The following TMC6 variants were observed in gnomAD, a reference collection of about 807,000 sequenced individuals.
TMC6 encodes transmembrane channel like 6.
Under a neutral mutation model 95.4 loss-of-function variants are expected in TMC6, and 71 were observed. The ratio of observed to expected loss-of-function variants is 0.74; its 90% CI spans 0.61 to 0.91. The LOEUF (loss-of-function observed/expected upper bound fraction) is 0.91. Among genes scored for constraint, TMC6 ranks in the 40% least tolerant of loss-of-function variants. The probability of loss-of-function intolerance (pLI) is 0.00; values close to 1 mark genes in which losing one functional copy is unlikely to be tolerated. For synonymous variants in TMC6, 514 were observed against 483.1 expected (o/e 1.06, Z -0.84); for missense variants, 1,074 against 1,079.1 (o/e 1.00, Z 0.07).
chr17:78,119,207 G>A (rs1446015901), intron 14 of TMC6, 90 bp downstream of exon 14: 1 of 1,552,480 alleles, frequency 6.4e-7, no homozygotes, highest in East Asian at 2.2e-5. Context: ...CCTGGCTGTG[G>A]CCCCAGGGGG....
At position 78,117,245 on chromosome 17, in the gene TMC6, G is replaced by C. The variant is rs778912786; in HGVS notation, c.2277+24C>G. On this transcript the variant is annotated intron_variant, in intron 18 of 19. Coordinates refer to ENST00000590602, the MANE Select transcript of TMC6 (RefSeq NM_001127198.5). ...GGTGACCTGAGAGGGTGGGGGCTGAGAGCAGCCCAGGAGGGGCACTCACAT... is the reference window on the plus strand; with the variant it reads ...GGTGACCTGAGAGGGTGGGGGCTGACAGCAGCCCAGGAGGGGCACTCACAT... 2.5e-6 allele frequency: 4 copies of C among 1,611,948 alleles called. 1 individual carries two copies. In the Admixed American group the frequency reaches 6.7e-5, roughly 27 times the overall value.
At position 78,118,473 on chromosome 17, in the gene TMC6, G is replaced by A. The variant is rs374989442; in HGVS notation, c.1887+498C>T. Among the ~76,000 whole-genome samples the A allele has an allele frequency of 6.4e-4, 97 of 152,208 alleles. No individual in the cohort carries two copies. The East Asian group carries it at 0.017, about 26-fold the overall frequency. On this transcript the variant is annotated intron_variant, in intron 15 of 19. Transcript: ENST00000590602. Reference sequence around the variant, plus strand: ...CGGGAGGCTGAGGCAGGAGAATGGCGTGAACCTGGGAGGCGGAGCTTGCAG... The same window carrying A: ...CGGGAGGCTGAGGCAGGAGAATGGCATGAACCTGGGAGGCGGAGCTTGCAG...
chr17:78,123,629 A>G (rs1167599120), intron 9 of TMC6, among the ~76,000 whole-genome samples: 391 of 103,822 alleles, frequency 3.8e-3, no homozygotes, highest in African/African-American at 0.014. Flanking sequence ...GGATGGGTGG[A>G]TGGGTGGGTG....
intron 16 of TMC6, 67 bp from the exon 17 acceptor site, chr17:78,117,711 T>C: frequency 6.4e-7 from 1 of 1,558,152 alleles, no homozygotes; most frequent in Non-Finnish European, 8.7e-7. Context: ...TCCCAGCCCG[T>C]CCTCTGCACC....
intron 17 of TMC6, 23 bp from the exon 18 acceptor site, chr17:78,117,370 C>T: frequency 6.2e-7 from 1 of 1,612,844 alleles, no homozygotes; most frequent in African/African-American, 1.3e-5. Flanking sequence ...GGCTGTCGGG[C>T]AGGGCCCAGG....
Position 78,121,642 on chromosome 17 carries a change from C to G in TMC6, c.1297G>C (p.Val433Leu), listed in dbSNP as rs1313115253. The G allele has an allele frequency of 4.4e-6, 7 of 1,604,628 alleles. No homozygotes were observed. The highest frequency in any genetic ancestry group is 5.1e-6 in the Non-Finnish European group (6 of 1,177,516). The change falls in exon 11 of 20, where the codon GTG becomes CTG. Residue 433 changes from valine to leucine, a missense_variant. Transcript: ENST00000590602. The surrounding 1 kb of genome is among the most constrained non-coding windows in gnomAD (Gnocchi z 5.6). The part of the protein sequence containing the change: ...SVCGRLRQAA[V>L]LGLVWLLCLG... ...CACAGCAGCCACACAAGCCCCAGCA[C>G]AGCCGCCTGCCGCAGCCTCCCGCAC... is the stretch of plus-strand genomic sequence containing the variant.
chr17:78,114,099 A>C lies in TMC6; in HGVS notation c.2278-475T>G, dbSNP rs531598724. 155 of 290,018 alleles carry C rather than the reference A, an allele frequency of 5.3e-4. 1 individual carries two copies. Among genetic ancestry groups the C allele is most frequent in the South Asian group, 4.8e-3 (151 of 31,162 alleles). The allele number at this position is 290,018 out of a possible 1,614,324, so 18.0% of individuals were successfully genotyped here. ...CAGTTCTGGAAGTGAGAAGTCCAAA[A>C]TGAGTCTCACTGGGCTCCAGTCAAG... On this transcript the variant is annotated intron_variant, in intron 18 of 19. Transcript: ENST00000590602.
At chr17:78,125,379 G>A in intron 5 of TMC6, 116 bp from the exon 6 acceptor site, 1 of 943,600 alleles carries the variant, frequency 1.1e-6, no homozygotes, top group South Asian at 1.4e-5. Flanking sequence ...ACACCTCGGT[G>A]CCCTTATTTG....
chr17:78,112,822 GGTTCCCA>G lies in TMC6; in HGVS notation c.*319_*325del. The G allele has an allele frequency of 2.4e-6, 1 of 424,374 alleles. No homozygotes were observed. Among genetic ancestry groups the G allele is most frequent in the South Asian group, 3.1e-5 (1 of 32,344 alleles). 26.3% of individuals were successfully genotyped at this position (424,374 alleles called of 1,614,324 possible). A position where few individuals can be genotyped will look rare whatever the true frequency, so the allele number is the denominator to read the frequency against. On this transcript the variant is annotated 3_prime_UTR_variant, in exon 20 of 20. Transcript: ENST00000590602. The stretch of plus-strand genomic sequence containing the variant: ...CAGAGGGCGCCCCCACTCCAGCTGA[GGTTCCCA>G]GGACCCAGACCTGCGCCTGGAGGTG...
upstream of TMC6, chr17:78,132,315 C>T (rs770025780): frequency 4.4e-6 from 7 of 1,607,938 alleles, no homozygotes; most frequent in Non-Finnish European, 4.2e-6. Flanking sequence ...GCGGCCCCAG[C>T]CCCGGCCCCG....
chr17:78,115,673 G>A (rs1305303211), intron 18 of TMC6, among the ~76,000 whole-genome samples: 5 of 125,700 alleles, frequency 4.0e-5, no homozygotes, highest in East Asian at 2.4e-4. Context: ...GAAGGGAGTG[G>A]GCACAGGGGC....
intron 19 of TMC6, 142 bp from the exon 20 acceptor site, chr17:78,113,353 A>G (rs2073888403): frequency 8.0e-7 from 1 of 1,247,224 alleles, no homozygotes; most frequent in Non-Finnish European, 1.1e-6. Context: ...TCCCTGTCAA[A>G]ATGGCCAGGC....
At chr17:78,131,627 T>C (rs770085880), upstream of TMC6, 9 of 1,552,974 alleles carry the variant, frequency 5.8e-6, 1 homozygote, top group South Asian at 1.1e-4. Context: ...AGCGGGCCCC[T>C]GGGGTGCCGG....
intron 15 of TMC6, 57 bp downstream of exon 15, chr17:78,118,914 G>T: frequency 6.5e-7 from 1 of 1,532,326 alleles, no homozygotes; most frequent in Non-Finnish European, 8.9e-7. Context: ...GCTGAGTCCT[G>T]CCCCCACTGC....
In TMC6 at chr17:78,126,459, C is replaced by T. The variant is rs898708281; in HGVS notation, c.181+65G>A. On this transcript the variant is annotated intron_variant, in intron 3 of 19. Transcript: ENST00000590602. Reference sequence around the variant, plus strand: ...CCCAGGCCTGCAGAGCTGGGAGGCCCGTCCTGAGGGGCTGGGGCACCCAAG... The same window carrying T: ...CCCAGGCCTGCAGAGCTGGGAGGCCTGTCCTGAGGGGCTGGGGCACCCAAG... 8.7e-6 allele frequency: 14 copies of T among 1,609,354 alleles called. No homozygotes were observed. The African/African-American group carries it at 1.1e-4, about 12-fold the overall frequency.
At chr17:78,126,128 G>A in intron 4 of TMC6, 149 bp downstream of exon 4, 2 of 1,225,258 alleles carry the variant, frequency 1.6e-6, no homozygotes. Flanking sequence ...CAGCAGATGG[G>A]ATGGGCTAGG....
intron 9 of TMC6, chr17:78,123,034 C>G (rs903777242): frequency 1.9e-6 from 1 of 537,476 alleles, no homozygotes; most frequent in East Asian, 3.3e-5. Context: ...CCAGAAGATG[C>G]TGGGCTCACC....
At position 78,109,223 on chromosome 17, in the gene TMC6, T is replaced by TG; in HGVS notation, c.*3924dup. 2.9e-6 allele frequency: 1 copy of TG among 341,484 alleles called. No homozygotes were observed. The allele number at this position is 341,484 out of a possible 1,614,324, so 21.2% of individuals were successfully genotyped here. On this transcript the variant is annotated 3_prime_UTR_variant, in exon 20 of 20. Coordinates refer to ENST00000590602, the MANE Select transcript of TMC6 (RefSeq NM_001127198.5). Reference sequence around the variant, plus strand: ...TGGCGTGCCAAGAAGGCTGTTCCAATGGGGGAGAAGCCAGCAGACACAGAG... The same window carrying TG: ...TGGCGTGCCAAGAAGGCTGTTCCAATGGGGGGAGAAGCCAGCAGACACAGAG...
chr17:78,126,193 G>A lies in TMC6; in HGVS notation c.271+84C>T, dbSNP rs1246271181. 5.3e-6 allele frequency: 8 copies of A among 1,505,772 alleles called. No homozygotes were observed. In the Admixed American group the frequency reaches 5.9e-5, roughly 11 times the overall value. 93.3% of individuals were successfully genotyped at this position (1,505,772 alleles called of 1,614,324 possible). ...GGGAGCAGCCACTACCCAGGGAGATGCCTGGCAGGAAGCCCAGCCCAGCCC... is the reference window on the plus strand; with the variant it reads ...GGGAGCAGCCACTACCCAGGGAGATACCTGGCAGGAAGCCCAGCCCAGCCC... On this transcript the variant is annotated intron_variant, in intron 4 of 19. Coordinates refer to ENST00000590602, the MANE Select transcript of TMC6 (RefSeq NM_001127198.5).
Sources: gnomAD v4.1 joint callset for allele counts (sites outside exome capture counted in the v4.1 genomes callset) on GRCh38, gnomAD v4.1.1 for gene constraint, Gnocchi (gnomAD v3.1) non-coding constraint, MANE v1.5 for transcripts, NCBI Gene and HGNC (gene_info 2026-07-23, HGNC 2026-07-21) for gene names.